The following PRKD3 variants were observed in gnomAD, a reference collection of about 807,000 sequenced individuals.
PRKD3 encodes serine/threonine-protein kinase D3.
Under a neutral mutation model 99.2 loss-of-function variants are expected in PRKD3, and 47 were observed. That is an observed-to-expected ratio of 0.47 (90% CI 0.38 to 0.60). PRKD3 has a LOEUF of 0.60. Among genes scored for constraint, PRKD3 ranks in the 20% least tolerant of loss-of-function variants. The pLI, the probability that PRKD3 is intolerant of heterozygous loss-of-function variation, is 0.00. For missense variants in PRKD3, 1,019 were observed against 1,088.4 expected (o/e 0.94, Z 0.90); for synonymous variants, 392 against 355.4 (o/e 1.10, Z -1.16).
At chr2:37,268,473 A>T (rs1384286203) in intron 13 of PRKD3, 4 of 388,508 alleles carry the variant, frequency 1.0e-5, no homozygotes, top group Admixed American at 6.8e-5. Flanking sequence ...AATACAAAGA[A>T]GATCCAGACA....
intron 2 of PRKD3, among the ~76,000 whole-genome samples, chr2:37,309,575 G>A (rs374324457): frequency 2.0e-5 from 3 of 152,138 alleles, no homozygotes; most frequent in Admixed American, 6.5e-5. Flanking sequence ...GGCCAAGCAC[G>A]GTGGCCAATC....
chr2:37,282,501 CT>C, intron 7 of PRKD3, 40 bp downstream of exon 7: 1 of 1,262,060 alleles, frequency 7.9e-7, no homozygotes, highest in Non-Finnish European at 1.2e-6. Context: ...GAATCATGGC[CT>C]TTTCTGATCT....
At chr2:37,275,037 T>C (rs946840704) in intron 10 of PRKD3, among the ~76,000 whole-genome samples, 1 of 152,186 alleles carries the variant, frequency 6.6e-6, no homozygotes, top group African/African-American at 2.4e-5. Flanking sequence ...CTAGTGACTG[T>C]AGTCTACAAG....
intron 2 of PRKD3, among the ~76,000 whole-genome samples, chr2:37,306,801 C>A (rs749757479): frequency 5.3e-5 from 8 of 152,120 alleles, no homozygotes; most frequent in Non-Finnish European, 1.0e-4. Flanking sequence ...AGAGCAAGAT[C>A]CTGTCTCAAA....
chr2:37,264,388 A>T (rs991788239), intron 14 of PRKD3, among the ~76,000 whole-genome samples: 1 of 152,214 alleles, frequency 6.6e-6, no homozygotes, highest in African/African-American at 2.4e-5. Context: ...AACTTGACAA[A>T]GATGCCTTGT....
At chr2:37,307,976 G>A (rs577496563) in intron 2 of PRKD3, among the ~76,000 whole-genome samples, 22 of 152,260 alleles carry the variant, frequency 1.4e-4, no homozygotes, top group African/African-American at 5.1e-4. Context: ...CTATTTCTAT[G>A]AAATTTTACC....
chr2:37,254,382 T>C, intron 17 of PRKD3, 93 bp from the exon 18 acceptor site: 1 of 917,602 alleles, frequency 1.1e-6, no homozygotes, highest in South Asian at 1.4e-5. Context: ...CCCATAGAAA[T>C]ACAGGGTTGA....
At position 37,307,151 on chromosome 2, in the gene PRKD3, A is replaced by T. The variant is rs549292341; in HGVS notation, c.288+9086T>A. On this transcript the variant is annotated intron_variant, in intron 2 of 18. Coordinates refer to ENST00000234179, the MANE Select transcript of PRKD3 (RefSeq NM_005813.6). The stretch of plus-strand genomic sequence containing the variant: ...TGTGCATCCAAAAACGTCTCCAGAC[A>T]TTGCCAAATGTTCCCAGGGGGTCAA... Among the ~76,000 whole-genome samples, 5 of 152,338 alleles carry T rather than the reference A, an allele frequency of 3.3e-5. No homozygotes were observed. In the East Asian group the frequency reaches 9.6e-4, roughly 29 times the overall value.
chr2:37,259,236 C>A (rs903674664), intron 16 of PRKD3, among the ~76,000 whole-genome samples: 2 of 152,190 alleles, frequency 1.3e-5, no homozygotes, highest in African/African-American at 2.4e-5. Flanking sequence ...AAATCTATCT[C>A]CCATTTCCAG....
At position 37,290,138 on chromosome 2, in the gene PRKD3, G is replaced by C. The variant is rs144200378; in HGVS notation, c.560-625C>G. On this transcript the variant is annotated intron_variant, in intron 4 of 18. Transcript: ENST00000234179. Reference sequence around the variant, plus strand: ...AAAAGTTGATTGACCCTCCACCTTAGAAGACTGTTTCTTCATCAGAAATGT... The same window carrying C: ...AAAAGTTGATTGACCCTCCACCTTACAAGACTGTTTCTTCATCAGAAATGT... Among the ~76,000 whole-genome samples the C allele has an allele frequency of 1.7e-3, 263 of 152,236 alleles. 1 individual carries two copies. Among genetic ancestry groups the C allele is most frequent in the African/African-American group, 6.2e-3 (257 of 41,542 alleles).
intron 14 of PRKD3, among the ~76,000 whole-genome samples, chr2:37,265,628 C>G (rs1668786288): frequency 6.6e-6 from 1 of 151,988 alleles, no homozygotes; most frequent in South Asian, 2.1e-4. Context: ...AGAAAAAGTA[C>G]TTAAGTATAA....
chr2:37,319,756 TAA>T (rs3050519), intron 1 of PRKD3, among the ~76,000 whole-genome samples: 33 of 148,282 alleles, frequency 2.2e-4, no homozygotes, highest in Admixed American at 2.0e-4. Flanking sequence ...CATACTGATT[TAA>T]AAAAAAAAAA....
chr2:37,292,959 A>T, intron 3 of PRKD3, 174 bp downstream of exon 3: 1 of 656,560 alleles, frequency 1.5e-6, no homozygotes, highest in Non-Finnish European at 2.3e-6. Context: ...TTTCTTTCTT[A>T]ATGGTGATAT....
intron 1 of PRKD3, chr2:37,324,325 C>T (rs998085053): frequency 1.6e-6 from 1 of 642,120 alleles, no homozygotes; most frequent in Non-Finnish European, 1.9e-6. Flanking sequence ...GGATCGCCTC[C>T]GATGGGCCGG....
intron 2 of PRKD3, among the ~76,000 whole-genome samples, chr2:37,315,267 G>A (rs1558582355): frequency 6.6e-6 from 1 of 151,946 alleles, no homozygotes; most frequent in Non-Finnish European, 1.5e-5. Flanking sequence ...CATCAAATCG[G>A]GATTATTAAA....
intron 5 of PRKD3, among the ~76,000 whole-genome samples, chr2:37,289,070 AAAAAAAAATT>A (rs1670256238): frequency 8.4e-6 from 1 of 119,486 alleles, no homozygotes; most frequent in Non-Finnish European, 1.8e-5. Context: ...ACAAAAATTA[AAAAAAAAATT>A]AAAAAAAAAA....
At position 37,296,371 on chromosome 2, in the gene PRKD3, G is replaced by C. The variant is rs553507057; in HGVS notation, c.289-3100C>G. On this transcript the variant is annotated intron_variant, in intron 2 of 18. Coordinates refer to ENST00000234179, the MANE Select transcript of PRKD3 (RefSeq NM_005813.6). ...CTTAAAAGCTTGTAAAGAAATTACAGTGAGATATTACAAAACATTAAAAAT... is the reference window on the plus strand; with the variant it reads ...CTTAAAAGCTTGTAAAGAAATTACACTGAGATATTACAAAACATTAAAAAT... Among the ~76,000 whole-genome samples the C allele has an allele frequency of 4.6e-5, 7 of 152,294 alleles. No homozygotes were observed. In the South Asian group the frequency reaches 1.4e-3, roughly 32 times the overall value.
chr2:37,276,771 GGT>G (rs1476108928), intron 9 of PRKD3, among the ~76,000 whole-genome samples: 1 of 149,736 alleles, frequency 6.7e-6, no homozygotes, highest in Non-Finnish European at 1.5e-5. Flanking sequence ...TAAAGTATGA[GGT>G]GTGTGTATAT....
At chr2:37,288,124 T>A (rs577094016) in intron 5 of PRKD3, among the ~76,000 whole-genome samples, 1 of 152,316 alleles carries the variant, frequency 6.6e-6, no homozygotes, top group South Asian at 2.1e-4. Flanking sequence ...TTCTGCTATT[T>A]CCTAATCTAG....
Sources: gnomAD v4.1 joint callset for allele counts (sites outside exome capture counted in the v4.1 genomes callset) on GRCh38, gnomAD v4.1.1 for gene constraint, MANE v1.5 for transcripts, NCBI Gene and HGNC (gene_info 2026-07-23, HGNC 2026-07-21) for gene names.